The following ABCC4 variants were observed in gnomAD, a reference collection of about 807,000 sequenced individuals.
ABCC4 encodes ATP binding cassette subfamily C member 4 (PEL blood group), also known as ATP-binding cassette sub-family C member 4.
In ABCC4, 102 loss-of-function variants were observed where a neutral mutation model predicts 168.5. The observed-to-expected ratio is 0.61, with a 90% CI of 0.52 to 0.71. The LOEUF (loss-of-function observed/expected upper bound fraction) is 0.71, where lower values mean the gene tolerates loss of function less well. ABCC4 is among the 30% of genes least tolerant of loss of function. The pLI is 0.00. For missense variants in ABCC4, 1,402 were observed against 1,605.8 expected, an observed-to-expected ratio of 0.87 and a Z score of 2.17; for synonymous variants, 617 against 590.7, an observed-to-expected ratio of 1.04 and a Z score of -0.65.
chr13:95,054,265 A>G (rs896402271), intron 26 of ABCC4, among the ~76,000 whole-genome samples: 1 of 152,084 alleles, frequency 6.6e-6, no homozygotes, highest in Non-Finnish European at 1.5e-5. Flanking sequence ...ACATCAATTT[A>G]AATAGCTGTT....
chr13:95,047,975 T>A (rs941726250), intron 27 of ABCC4, among the ~76,000 whole-genome samples: 1 of 152,180 alleles, frequency 6.6e-6, no homozygotes, highest in African/African-American at 2.4e-5. Context: ...GAGTCTACAA[T>A]GCCTATGTAA....
chr13:95,057,945 C>T (rs1182044855), intron 26 of ABCC4, among the ~76,000 whole-genome samples: 1 of 152,190 alleles, frequency 6.6e-6, no homozygotes, highest in Non-Finnish European at 1.5e-5. Flanking sequence ...AGACCAGTAA[C>T]CTTCATGCAA....
At chr13:95,209,393 C>T (rs1350909106) in intron 6 of ABCC4, 41 bp downstream of exon 6, 2 of 1,599,134 alleles carry the variant, frequency 1.3e-6, no homozygotes, top group Non-Finnish European at 1.7e-6. Context: ...GTGGATGTTA[C>T]CAAATACATA....
At chr13:95,078,922 G>A in intron 21 of ABCC4, among the ~76,000 whole-genome samples, 1 of 152,168 alleles carries the variant, frequency 6.6e-6, no homozygotes, top group East Asian at 1.9e-4. Flanking sequence ...AGTCGCCACT[G>A]TTTTATCTCC....
At chr13:95,066,335 A>T (rs1056101760) in intron 25 of ABCC4, among the ~76,000 whole-genome samples, 4 of 152,236 alleles carry the variant, frequency 2.6e-5, no homozygotes, top group Admixed American at 6.5e-5. Flanking sequence ...TTTTCTAAAC[A>T]GCCATAAAAT....
At chr13:95,076,533 G>C (rs1235267118) in intron 21 of ABCC4, among the ~76,000 whole-genome samples, 2 of 147,050 alleles carry the variant, frequency 1.4e-5, no homozygotes, top group Non-Finnish European at 3.0e-5. Context: ...TTAAGAGGGA[G>C]TTGCCGCCCT....
chr13:95,204,923 G>C (rs2038737310), intron 8 of ABCC4, among the ~76,000 whole-genome samples: 1 of 152,146 alleles, frequency 6.6e-6, no homozygotes, highest in Non-Finnish European at 1.5e-5. Context: ...CACGGTGAGG[G>C]GCAGCAACAG....
chr13:95,070,642 T>C (rs1231357918), intron 25 of ABCC4, among the ~76,000 whole-genome samples: 1 of 152,086 alleles, frequency 6.6e-6, no homozygotes, highest in Non-Finnish European at 1.5e-5. Context: ...TGCCTCCAGC[T>C]TGGGGGTCTG....
Position 95,196,643 on chromosome 13 carries a change from A to AG in ABCC4, c.1162-1707dup, listed in dbSNP as rs1377892984. Among the ~76,000 whole-genome samples the AG allele has an allele frequency of 7.3e-4, 15 of 20,508 alleles. 3 individuals are homozygous for AG. The highest frequency in any genetic ancestry group is 1.1e-3 in the Non-Finnish European group (12 of 11,248). The allele number at this position is 20,508 out of a possible 152,430, so 13.5% of individuals were successfully genotyped here. A position where few individuals can be genotyped will look rare whatever the true frequency, so the allele number is the denominator to read the frequency against. On this transcript the variant is annotated intron_variant, in intron 8 of 30. Transcript: ENST00000645237. ...AAGGAAGGAAGGAAGGAAGGAAGGA[A>AG]GGAAGGAAGGAAGGAAGGAAGGAAG...
intron 26 of ABCC4, among the ~76,000 whole-genome samples, chr13:95,062,445 G>A (rs954042360): frequency 9.3e-5 from 14 of 150,938 alleles, no homozygotes; most frequent in African/African-American, 3.4e-4. Flanking sequence ...TAAAACTGTG[G>A]CATCTTAGTA....
chr13:95,191,023 C>T (rs1417974158), intron 9 of ABCC4, among the ~76,000 whole-genome samples: 3 of 152,194 alleles, frequency 2.0e-5, no homozygotes, highest in Admixed American at 2.0e-4. Context: ...AAGGGTGGAA[C>T]ACCCCTGGGA....
intron 21 of ABCC4, among the ~76,000 whole-genome samples, chr13:95,080,028 C>T (rs1839788622): frequency 6.6e-6 from 1 of 152,144 alleles, no homozygotes; most frequent in African/African-American, 2.4e-5. Context: ...GCATTTTTCT[C>T]CAGACTTTGT....
chr13:95,143,623 T>C (rs546683382), intron 19 of ABCC4, among the ~76,000 whole-genome samples: 247 of 152,272 alleles, frequency 1.6e-3, no homozygotes, highest in Non-Finnish European at 2.5e-3. Flanking sequence ...TTATTTCCAC[T>C]CCCAGTAGGA....
At chr13:95,249,784 T>C (rs2040207595) in intron 1 of ABCC4, among the ~76,000 whole-genome samples, 1 of 152,092 alleles carries the variant, frequency 6.6e-6, no homozygotes, top group African/African-American at 2.4e-5. Context: ...ACTAAAGAGG[T>C]TTTTTTAATC....
At chr13:95,135,024 T>A (rs530245052) in intron 19 of ABCC4, among the ~76,000 whole-genome samples, 1 of 152,312 alleles carries the variant, frequency 6.6e-6, no homozygotes, top group Admixed American at 6.5e-5. Flanking sequence ...CTGTTTTAAT[T>A]TATATTTTCA....
At chr13:95,034,772 A>T in intron 29 of ABCC4, 33 bp from the exon 30 acceptor site, 1 of 1,613,306 alleles carries the variant, frequency 6.2e-7, no homozygotes, top group South Asian at 1.1e-5. Flanking sequence ...CCATTGAAAC[A>T]CAATGTTTTG....
intron 9 of ABCC4, among the ~76,000 whole-genome samples, chr13:95,189,196 C>T (rs1160608033): frequency 1.5e-5 from 2 of 137,810 alleles, no homozygotes; most frequent in Non-Finnish European, 3.0e-5. Flanking sequence ...TGCTGTGGCG[C>T]GATCTCCGCT....
intron 19 of ABCC4, among the ~76,000 whole-genome samples, chr13:95,132,588 T>C (rs1416499305): frequency 6.6e-6 from 1 of 152,236 alleles, no homozygotes; most frequent in Non-Finnish European, 1.5e-5. Flanking sequence ...TATGTATTTG[T>C]AATACATTAT....
chr13:95,101,026 G>A (rs990506816), intron 20 of ABCC4, among the ~76,000 whole-genome samples: 1 of 152,194 alleles, frequency 6.6e-6, no homozygotes, highest in Non-Finnish European at 1.5e-5. Flanking sequence ...ATAAAAGCGA[G>A]TGACCCAACC....
Sources: allele counts gnomAD v4.1 joint callset (sites outside exome capture counted in the v4.1 genomes callset), GRCh38; gene constraint gnomAD v4.1.1; transcripts MANE v1.5; gene names NCBI Gene and HGNC (gene_info 2026-07-23, HGNC 2026-07-21).